The following ANKRD11 variants were observed in gnomAD, a reference collection of about 807,000 sequenced individuals.
ANKRD11 encodes ankyrin repeat domain 11.
In ANKRD11, 17 loss-of-function variants were observed where a neutral mutation model predicts 195.7. The observed-to-expected ratio is 0.09, with a 90% CI of 0.06 to 0.13. The LOEUF is 0.13. Among genes scored for constraint, ANKRD11 ranks in the 10% least tolerant of loss-of-function variants. ANKRD11 has a pLI of 1.00. For missense variants in ANKRD11, 3,735 were observed against 3,566.1 expected (o/e 1.05, Z -1.21); for synonymous variants, 1,953 against 1,528.1 (o/e 1.28, Z -6.49).
intron 1 of ANKRD11, among the ~76,000 whole-genome samples, chr16:89,486,776 C>A (rs1269276501): frequency 6.6e-6 from 1 of 152,066 alleles, no homozygotes; most frequent in Non-Finnish European, 1.5e-5. Context: ...GAGGCCGAGG[C>A]AGGTGGATCA....
rs1597238110 is a variant in ANKRD11, at chr16:89,387,139, T to A, written c.-60+31145A>T. ...GAGCAGCGAGGGTGGGAGAGGTAGG[T>A]CACACAGCCACCACCAAACAATGGT... On this transcript the variant is annotated intron_variant, in intron 2 of 12. Transcript: ENST00000301030. 2.0e-5 allele frequency among the ~76,000 whole-genome samples: 3 copies of A among 151,268 alleles called. No homozygotes were observed. The South Asian group carries it at 6.3e-4, about 32-fold the overall frequency.
intron 2 of ANKRD11, among the ~76,000 whole-genome samples, chr16:89,381,330 G>GAAAAAAAAAAAAA (rs2040638024): frequency 2.0e-5 from 1 of 49,582 alleles, no homozygotes; most frequent in African/African-American, 8.6e-5. Flanking sequence ...AGACTCTGCT[G>GAAAAAAAAAAAAA]CAAAAAAAAA....
At chr16:89,447,072 C>T (rs1423590121) in intron 1 of ANKRD11, among the ~76,000 whole-genome samples, 1 of 152,118 alleles carries the variant, frequency 6.6e-6, no homozygotes, top group Non-Finnish European at 1.5e-5. Context: ...GAAGACACTG[C>T]ATGAAAGCCA....
chr16:89,301,954 G>A (rs1239980221), intron 4 of ANKRD11, among the ~76,000 whole-genome samples: 4 of 152,284 alleles, frequency 2.6e-5, no homozygotes, highest in South Asian at 4.1e-4. Context: ...CACAGCCAAG[G>A]CATCCGGCAC....
At chr16:89,356,713 C>T (rs372730794) in intron 2 of ANKRD11, among the ~76,000 whole-genome samples, 2 of 145,018 alleles carry the variant, frequency 1.4e-5, no homozygotes, top group South Asian at 4.3e-4. Flanking sequence ...CCCGGGAGGC[C>T]GAGCTTGCAG....
chr16:89,479,994 C>T (rs2057391077), intron 1 of ANKRD11, among the ~76,000 whole-genome samples: 1 of 151,310 alleles, frequency 6.6e-6, no homozygotes, highest in Non-Finnish European at 1.5e-5. Flanking sequence ...ACCTCTAATC[C>T]CAGCTACTCG....
At chr16:89,301,567 C>T in intron 4 of ANKRD11, 1 of 398,842 alleles carries the variant, frequency 2.5e-6, no homozygotes, top group East Asian at 3.6e-5. Context: ...TGGCAGGTGC[C>T]TTCCCACTCC....
rs1165680827 is a variant in ANKRD11, at chr16:89,337,429, CTTTTTTTTTTTTT to C, written c.-59-20364_-59-20352del. Among the ~76,000 whole-genome samples the C allele has an allele frequency of 0.018, 977 of 53,214 alleles. 108 individuals are homozygous for C. In the Admixed American group the frequency reaches 0.21, roughly 11 times the overall value. 34.9% of individuals were successfully genotyped at this position (53,214 alleles called of 152,430 possible). A position where few individuals can be genotyped will look rare whatever the true frequency, so the allele number is the denominator to read the frequency against. On this transcript the variant is annotated intron_variant, in intron 2 of 12. Transcript: ENST00000301030. ...ATACATGAACATGGTCTAAGCAATT[CTTTTTTTTTTTTT>C]TTTTTTTTTTTTTTGAGACAGTCTC...
chr16:89,356,252 T>C (rs1351378119), intron 2 of ANKRD11, among the ~76,000 whole-genome samples: 1 of 151,944 alleles, frequency 6.6e-6, no homozygotes, highest in Non-Finnish European at 1.5e-5. Flanking sequence ...TTACAGACTT[T>C]CAGGACGTCC....
intron 1 of ANKRD11, among the ~76,000 whole-genome samples, chr16:89,465,811 C>T (rs530038094): frequency 3.7e-4 from 56 of 152,262 alleles, no homozygotes; most frequent in African/African-American, 1.2e-3. Context: ...CCTGAGTTCA[C>T]GCCATTCTCC....
intron 1 of ANKRD11, among the ~76,000 whole-genome samples, chr16:89,424,763 G>A (rs1360922546): frequency 1.3e-5 from 2 of 152,152 alleles, no homozygotes; most frequent in African/African-American, 4.8e-5. Context: ...GGCAAATGTG[G>A]CTAGAAAAGG....
At chr16:89,288,290 T>C (rs1597476236) in intron 7 of ANKRD11, 1 of 678,362 alleles carries the variant, frequency 1.5e-6, no homozygotes, top group Non-Finnish European at 2.6e-6. Flanking sequence ...GGCTAGCGGA[T>C]ACGAGCCTTT....
intron 2 of ANKRD11, among the ~76,000 whole-genome samples, chr16:89,380,999 A>G (rs961320161): frequency 6.6e-6 from 1 of 152,178 alleles, no homozygotes; most frequent in African/African-American, 2.4e-5. Flanking sequence ...GAAGCCCCTG[A>G]GCACACGGTA....
At chr16:89,356,223 G>A (rs2039466193) in intron 2 of ANKRD11, among the ~76,000 whole-genome samples, 1 of 151,940 alleles carries the variant, frequency 6.6e-6, no homozygotes, top group Non-Finnish European at 1.5e-5. Flanking sequence ...ATGAACTATT[G>A]TGGGTTTTTA....
intron 2 of ANKRD11, among the ~76,000 whole-genome samples, chr16:89,330,191 G>A (rs2037973520): frequency 6.6e-6 from 1 of 152,126 alleles, no homozygotes; most frequent in Non-Finnish European, 1.5e-5. Flanking sequence ...CAAAAAGGAA[G>A]AGGAAGCAAT....
rs766943622 is a variant in ANKRD11, at chr16:89,281,053, T to A, written c.5489A>T (p.Glu1830Val). 2 of 1,604,886 alleles carry A rather than the reference T, an allele frequency of 1.2e-6. No individual in the cohort carries two copies. The highest frequency in any genetic ancestry group is 1.7e-6 in the Non-Finnish European group (2 of 1,173,606). Residue 1830 changes from glutamate (E) to valine (V), a missense_variant, in exon 9 of 13, where the codon GAA becomes GTA. By Grantham distance (121) the Glu-to-Val change is moderately radical. Transcript: ENST00000301030. This position sits in a 1 kb window ranked among gnomAD's most constrained non-coding sequence, Gnocchi z 5.5. ...AACCGGGGGCAGGGGCGCCCTGTCT[T>A]CCATCGAGGGTGGCATGGGAGAGTC... Reference protein sequence around the residue: ...SYDSPMPPSMEDRAPLPPVPA... With the variant: ...SYDSPMPPSMVDRAPLPPVPA...
At chr16:89,480,212 G>A (rs2057399675) in intron 1 of ANKRD11, among the ~76,000 whole-genome samples, 1 of 151,812 alleles carries the variant, frequency 6.6e-6, no homozygotes, top group African/African-American at 2.4e-5. Context: ...CGTGATGGCT[G>A]ACGCCTGTAA....
chr16:89,345,258 A>AC (rs1323484128), intron 2 of ANKRD11, among the ~76,000 whole-genome samples: 1 of 47,110 alleles, frequency 2.1e-5, no homozygotes, highest in Admixed American at 2.0e-4. Flanking sequence ...CCCCCTCCCC[A>AC]CCCCCCGGCA....
intron 2 of ANKRD11, among the ~76,000 whole-genome samples, chr16:89,351,059 C>T (rs1405817221): frequency 6.6e-6 from 1 of 152,118 alleles, no homozygotes; most frequent in African/African-American, 2.4e-5. Flanking sequence ...ATCCCCCGAC[C>T]GCTATTAAAA....
Sources: allele counts gnomAD v4.1 joint callset (sites outside exome capture counted in the v4.1 genomes callset), GRCh38; gene constraint gnomAD v4.1.1; non-coding constraint Gnocchi (gnomAD v3.1); transcripts MANE v1.5; gene names NCBI Gene and HGNC (gene_info 2026-07-23, HGNC 2026-07-21).